Variants in FUBP1 observed in about 807,000 individuals in gnomAD.
The protein encoded by FUBP1 is far upstream element-binding protein 1.
In FUBP1, 16 loss-of-function variants were observed where a neutral mutation model predicts 94.9. That is an observed-to-expected ratio of 0.17 (90% CI 0.11 to 0.26). FUBP1 has a LOEUF of 0.26. Among genes scored for constraint, FUBP1 ranks in the 10% least tolerant of loss-of-function variants. The pLI is 1.00. For synonymous variants in FUBP1, 279 were observed against 254.9 expected (o/e 1.09, Z -0.90); for missense variants, 583 against 808.6 (o/e 0.72, Z 3.38).
chr1:77,957,496 A>G (rs1433625746), intron 16 of FUBP1, among the ~76,000 whole-genome samples: 2 of 152,194 alleles, frequency 1.3e-5, no homozygotes, highest in African/African-American at 2.4e-5. Flanking sequence ...CATCTCCCAC[A>G]TCAACTGAAG....
At chr1:77,975,488 T>C (rs565690759) in intron 1 of FUBP1, among the ~76,000 whole-genome samples, 1 of 152,336 alleles carries the variant, frequency 6.6e-6, no homozygotes, top group African/African-American at 2.4e-5. Flanking sequence ...ATCACTTTTA[T>C]AACTGTCAGA....
chr1:77,979,106 T>C (rs973813701), upstream of FUBP1: 13 of 1,193,804 alleles, frequency 1.1e-5, no homozygotes, highest in Admixed American at 2.8e-5. Flanking sequence ...ATTACATTCT[T>C]GCGCGACCAT....
chr1:77,965,236 TAAC>T lies in FUBP1; in HGVS notation c.474-8_474-6del. 6.3e-7 allele frequency: 1 copy of T among 1,587,104 alleles called. No individual in the cohort carries two copies. ...TCCAGTAACCGTTTTGCTGACCTGT[TAAC>T]AAATTAATATTTAAATAGTAAGCTG... On this transcript the variant is annotated splice_polypyrimidine_tract_variant and splice_region_variant and intron_variant, in intron 7 of 19. Transcript: ENST00000370768.
At chr1:77,951,983 C>T (rs1653551006) in intron 18 of FUBP1, among the ~76,000 whole-genome samples, 1 of 152,144 alleles carries the variant, frequency 6.6e-6, no homozygotes, top group East Asian at 1.9e-4. Context: ...CTTCACTTCT[C>T]CAAACAAGAA....
chr1:77,957,603 T>C (rs759723277), intron 16 of FUBP1, among the ~76,000 whole-genome samples: 15 of 152,210 alleles, frequency 9.9e-5, no homozygotes, highest in Non-Finnish European at 1.9e-4. Flanking sequence ...TTTTAAATTT[T>C]CTATTATACC....
At chr1:77,967,789 G>A in intron 3 of FUBP1, 123 bp from the exon 4 acceptor site, 1 of 615,332 alleles carries the variant, frequency 1.6e-6, no homozygotes, top group African/African-American at 1.8e-5. Context: ...ACACCTTGAA[G>A]AGAGTCAAAT....
intron 17 of FUBP1, among the ~76,000 whole-genome samples, chr1:77,955,694 G>GTT (rs1350892220): frequency 6.6e-6 from 1 of 152,210 alleles, no homozygotes; most frequent in Non-Finnish European, 1.5e-5. Context: ...TATGAACATA[G>GTT]TTTTTAAAAA....
chr1:77,968,218 G>T lies in FUBP1; in HGVS notation c.212-15C>A. 6.6e-7 allele frequency: 1 copy of T among 1,518,146 alleles called. No individual in the cohort carries two copies. The highest frequency in any genetic ancestry group is 8.9e-7 in the Non-Finnish European group (1 of 1,129,916). 94.0% of individuals were successfully genotyped at this position (1,518,146 alleles called of 1,614,324 possible). A position where few individuals can be genotyped will look rare whatever the true frequency, so the allele number is the denominator to read the frequency against. ...ATCTGGTTGATCTGCAAAATTAAGTGTCTTTTAATTTTTTGCCAATTAAGT... is the reference window on the plus strand; with the variant it reads ...ATCTGGTTGATCTGCAAAATTAAGTTTCTTTTAATTTTTTGCCAATTAAGT... On this transcript the variant is annotated splice_polypyrimidine_tract_variant and intron_variant, in intron 2 of 19. Transcript: ENST00000370768.
At chr1:77,976,852 T>C (rs984567347) in intron 1 of FUBP1, among the ~76,000 whole-genome samples, 1 of 152,202 alleles carries the variant, frequency 6.6e-6, no homozygotes, top group African/African-American at 2.4e-5. Context: ...CTGGATCCGC[T>C]TGTACCTTTC....
intron 14 of FUBP1, chr1:77,960,720 A>AAATTAAATTAAATTTAAATTAGC: frequency 2.4e-6 from 1 of 416,770 alleles, no homozygotes; most frequent in South Asian, 4.6e-5. Context: ...AATGCAATTT[A>AAATTAAATTAAATTTAAATTAGC]AATTAAATTA....
At position 77,949,169 on chromosome 1, in the gene FUBP1, G is replaced by T. The variant is rs763409195; in HGVS notation, c.1912C>A (p.Pro638Thr). Residue 638 changes from proline (P) to threonine (T), a missense_variant, in exon 19 of 20, where the codon CCT (proline) becomes ACT (threonine). Physicochemically the swap from Pro to Thr is conservative, Grantham distance 38. Coordinates refer to ENST00000370768, the MANE Select transcript of FUBP1 (RefSeq NM_003902.5). ...TTACATTATACCTGAGGTGCTGGAG[G>T]ATGCTGTGGCATTCCCTGGGGACTT... ...QTSPQGMPQH[P>T]PAPQGQ 7 of 1,612,848 alleles carry T rather than the reference G, an allele frequency of 4.3e-6. No individual in the cohort carries two copies. Among genetic ancestry groups the T allele is most frequent in the Non-Finnish European group, 5.1e-6 (6 of 1,179,234 alleles).
chr1:77,948,897 T>G (rs751773264), intron 19 of FUBP1, 123 bp from the exon 20 acceptor site: 1 of 1,321,620 alleles, frequency 7.6e-7, no homozygotes, highest in South Asian at 1.2e-5. Flanking sequence ...GGTGGCTTCT[T>G]GCATGATTTG....
In FUBP1 at chr1:77,960,480, A is replaced by T. The variant is rs754197780; in HGVS notation, c.1360T>A (p.Leu454Ile). 1 of 1,601,382 alleles carries T rather than the reference A, an allele frequency of 6.2e-7. No individual in the cohort carries two copies. The highest frequency in any genetic ancestry group is 1.4e-5 in the African/African-American group (1 of 74,008). ...EEKIGGPVNP[L>I]GPPVPHGPHG... ...GGCCCATGGGGTACAGGTGGCCCTA[A>T]AGGATTTACTGGGCCCTACAAAAAA... is the stretch of plus-strand genomic sequence containing the variant. Residue 454 changes from leucine to isoleucine, a missense_variant, in exon 15 of 20, where the codon TTA becomes ATA. Leu to Ile is a conservative substitution (Grantham distance 5). Coordinates refer to ENST00000370768, the MANE Select transcript of FUBP1 (RefSeq NM_003902.5).
chr1:77,949,344 C>T (rs1341899550), intron 18 of FUBP1, 44 bp from the exon 19 acceptor site: 5 of 1,498,126 alleles, frequency 3.3e-6, no homozygotes, highest in African/African-American at 1.4e-5. Context: ...CAATTATAAG[C>T]CCAACATCTC....
At chr1:77,968,908 AAAAAT>A (rs1186255640) in intron 2 of FUBP1, 2 of 386,210 alleles carry the variant, frequency 5.2e-6, no homozygotes, top group Admixed American at 3.5e-5. Context: ...GTTGTGCAGC[AAAAAT>A]AAAATATGCG....
chr1:77,959,536 A>G lies in FUBP1; in HGVS notation c.1576+648T>C, dbSNP rs965026851. On this transcript the variant is annotated intron_variant, in intron 16 of 19. Transcript: ENST00000370768. ...CTGTTATATATATATATTTATATAG[A>G]CTGTTACATATATACATAATTTTTT... 2.0e-4 allele frequency among the ~76,000 whole-genome samples: 30 copies of G among 152,150 alleles called. 1 individual carries two copies. Among genetic ancestry groups the G allele is most frequent in the African/African-American group, 7.0e-4 (29 of 41,432 alleles).
At chr1:77,966,797 G>C (rs1334420906) in intron 6 of FUBP1, 46 bp from the exon 7 acceptor site, 1 of 1,301,432 alleles carries the variant, frequency 7.7e-7, no homozygotes, top group African/African-American at 1.5e-5. Flanking sequence ...AAGATTAAAA[G>C]TAGCATTATT....
At chr1:77,955,027 T>C (rs781142708) in intron 18 of FUBP1, among the ~76,000 whole-genome samples, 17 of 152,216 alleles carry the variant, frequency 1.1e-4, no homozygotes, top group Non-Finnish European at 2.4e-4. Flanking sequence ...ATGTTAATAT[T>C]GTATGTACCA....
At chr1:77,961,996 C>T (rs1655571070) in intron 14 of FUBP1, among the ~76,000 whole-genome samples, 2 of 152,124 alleles carry the variant, frequency 1.3e-5, no homozygotes, top group Non-Finnish European at 2.9e-5. Context: ...TTGCACGCAC[C>T]CCATTCACAG....
Sources: allele counts gnomAD v4.1 joint callset (sites outside exome capture counted in the v4.1 genomes callset), GRCh38; gene constraint gnomAD v4.1.1; transcripts MANE v1.5; gene names NCBI Gene and HGNC (gene_info 2026-07-23, HGNC 2026-07-21).